EYS: variants seen among roughly 807,000 people sequenced by gnomAD.
The protein encoded by EYS is protein eyes shut homolog.
A neutral mutation model predicts 282.1 loss-of-function variants in EYS; 250 were observed. The observed-to-expected ratio is 0.89, with a 90% CI of 0.80 to 0.98. The LOEUF (loss-of-function observed/expected upper bound fraction) is 0.98. Ranked by LOEUF, EYS falls within the 50% of genes least tolerant of loss-of-function variation. The pLI is 0.00. For synonymous variants in EYS, 1,355 were observed against 1,282.9 expected (o/e 1.06, Z -1.20); for missense variants, 4,016 against 3,709.0 (o/e 1.08, Z -2.15).
intron 26 of EYS, among the ~76,000 whole-genome samples, chr6:64,448,477 A>G (rs1775199349): frequency 1.3e-5 from 2 of 152,216 alleles, no homozygotes; most frequent in Non-Finnish European, 2.9e-5. Context: ...GCAGACTTAA[A>G]TGTCCCTGTC....
intron 19 of EYS, among the ~76,000 whole-genome samples, chr6:64,877,332 T>G (rs879483810): frequency 7.2e-5 from 11 of 152,114 alleles, no homozygotes; most frequent in Non-Finnish European, 1.2e-4. Context: ...AACATGTTAG[T>G]AGTTATTTGG....
chr6:65,239,121 G>A (rs774279902), intron 12 of EYS, among the ~76,000 whole-genome samples: 15 of 151,964 alleles, frequency 9.9e-5, no homozygotes, highest in Non-Finnish European at 2.1e-4. Context: ...TTTAAAAAAT[G>A]TGTAAAAATT....
intron 22 of EYS, among the ~76,000 whole-genome samples, chr6:64,680,073 C>A (rs1261710576): frequency 6.6e-6 from 1 of 151,252 alleles, no homozygotes; most frequent in African/African-American, 2.4e-5. Context: ...TTTTTTAAAC[C>A]TAGATGATGG....
intron 28 of EYS, among the ~76,000 whole-genome samples, chr6:64,433,952 A>G (rs1239299193): frequency 6.6e-6 from 1 of 151,950 alleles, no homozygotes; most frequent in East Asian, 1.9e-4. Flanking sequence ...AATATGCAAA[A>G]TGACTGCTAT....
chr6:64,093,823 G>A (rs906348232), intron 31 of EYS, among the ~76,000 whole-genome samples: 11 of 152,150 alleles, frequency 7.2e-5, no homozygotes, highest in Non-Finnish European at 1.5e-4. Context: ...GGTCATCCCT[G>A]TCTTGTGCCG....
At chr6:65,527,153 G>T (rs560935739) in intron 2 of EYS, among the ~76,000 whole-genome samples, 2 of 152,240 alleles carry the variant, frequency 1.3e-5, no homozygotes. Flanking sequence ...GTACATAAAG[G>T]TTAGTCAATC....
At chr6:64,847,401 C>T (rs1212026179) in intron 19 of EYS, among the ~76,000 whole-genome samples, 1 of 152,050 alleles carries the variant, frequency 6.6e-6, no homozygotes, top group East Asian at 1.9e-4. Context: ...ATAGTTACTA[C>T]ACTTAAATGA....
At chr6:63,952,397 A>G (rs1289341960) in intron 35 of EYS, among the ~76,000 whole-genome samples, 2 of 152,200 alleles carry the variant, frequency 1.3e-5, no homozygotes, top group African/African-American at 4.8e-5. Flanking sequence ...GGACCATCAC[A>G]GATGCTTTGG....
chr6:63,748,518 A>G (rs1769265368), intron 41 of EYS, among the ~76,000 whole-genome samples: 1 of 152,150 alleles, frequency 6.6e-6, no homozygotes, highest in African/African-American at 2.4e-5. Context: ...GTTAAGGAGG[A>G]GTCCCTCCTC....
At chr6:64,860,393 T>C (rs1470038651) in intron 19 of EYS, among the ~76,000 whole-genome samples, 2 of 151,916 alleles carry the variant, frequency 1.3e-5, no homozygotes, top group Admixed American at 6.6e-5. Context: ...AGCAAGCGAG[T>C]GTGGGGTCGG....
chr6:65,350,055 T>A (rs569729130), intron 9 of EYS, among the ~76,000 whole-genome samples: 2 of 151,504 alleles, frequency 1.3e-5, no homozygotes, highest in Non-Finnish European at 3.0e-5. Flanking sequence ...GAGAATTCTC[T>A]TTCAAGGCAT....
chr6:64,277,184 A>T (rs2150360103), intron 30 of EYS, among the ~76,000 whole-genome samples: 1 of 152,232 alleles, frequency 6.6e-6, no homozygotes, highest in South Asian at 2.1e-4. Flanking sequence ...ACTCTCTCCT[A>T]ATGCTTGTCC....
intron 22 of EYS, among the ~76,000 whole-genome samples, chr6:64,699,079 C>G (rs1441007804): frequency 1.3e-5 from 2 of 152,106 alleles, no homozygotes; most frequent in African/African-American, 4.8e-5. Flanking sequence ...CTTAAATGCC[C>G]ATCAATGACA....
chr6:64,303,417 A>G (rs865968749), intron 30 of EYS, among the ~76,000 whole-genome samples: 23 of 152,196 alleles, frequency 1.5e-4, no homozygotes, highest in Admixed American at 5.9e-4. Context: ...TGCTACACAC[A>G]TCTGTACTCT....
At chr6:64,858,555 C>T (rs911052560) in intron 19 of EYS, among the ~76,000 whole-genome samples, 6 of 151,902 alleles carry the variant, frequency 3.9e-5, no homozygotes, top group Admixed American at 1.3e-4. Flanking sequence ...TTGTTATTGC[C>T]ACTTAGGATT....
intron 29 of EYS, among the ~76,000 whole-genome samples, chr6:64,335,630 C>T (rs377392460): frequency 8.5e-5 from 13 of 152,092 alleles, no homozygotes; most frequent in East Asian, 3.9e-4. Context: ...TAAATTCTCC[C>T]GAACCTTTTT....
chr6:64,390,457 T>A (rs1032894884), intron 28 of EYS, among the ~76,000 whole-genome samples: 3 of 151,530 alleles, frequency 2.0e-5, no homozygotes, highest in Non-Finnish European at 2.9e-5. Context: ...CTCAAGTGGG[T>A]CCCTCACCCC....
chr6:64,956,137 G>A (rs1446232715), intron 14 of EYS, among the ~76,000 whole-genome samples: 1 of 151,996 alleles, frequency 6.6e-6, no homozygotes. Flanking sequence ...GATAGCCAAA[G>A]CTATCCTAAG....
chr6:64,865,064 T>C (rs1435373794), intron 19 of EYS, among the ~76,000 whole-genome samples: 1 of 152,080 alleles, frequency 6.6e-6, no homozygotes, highest in East Asian at 1.9e-4. Context: ...TATTTGCAGA[T>C]ATCAAGATTC....
Sources: allele counts gnomAD v4.1 joint callset (sites outside exome capture counted in the v4.1 genomes callset), GRCh38; gene constraint gnomAD v4.1.1; transcripts MANE v1.5; gene names NCBI Gene and HGNC (gene_info 2026-07-23, HGNC 2026-07-21).